ADGRL2: variants seen among roughly 807,000 people sequenced by gnomAD.
ADGRL2 encodes the protein calcium-independent alpha-latrotoxin receptor 2.
A neutral mutation model predicts 157.4 loss-of-function variants in ADGRL2; 44 were observed. The observed-to-expected ratio is 0.28, with a 90% confidence interval of 0.22 to 0.36. The LOEUF (loss-of-function observed/expected upper bound fraction) is 0.36, where lower values mean the gene tolerates loss of function less well. ADGRL2 is among the 10% of genes least tolerant of loss of function. ADGRL2 has a pLI of 1.00. For synonymous variants in ADGRL2, 585 were observed against 624.7 expected (o/e 0.94, Z 0.95); for missense variants, 1,510 against 1,768.9 (o/e 0.85, Z 2.63).
At chr1:81,440,499 G>C (rs868508014) in intron 1 of ADGRL2, among the ~76,000 whole-genome samples, 4 of 152,058 alleles carry the variant, frequency 2.6e-5, no homozygotes, top group Non-Finnish European at 5.9e-5. Flanking sequence ...AGACTCTCAG[G>C]CTTCCTTACC....
At chr1:81,771,825 T>C (rs540238432) in intron 2 of ADGRL2, among the ~76,000 whole-genome samples, 1 of 152,324 alleles carries the variant, frequency 6.6e-6, no homozygotes, top group Admixed American at 6.5e-5. Context: ...TGAGCAAGAA[T>C]TAGATGAAAA....
At chr1:81,592,472 A>T (rs1035301370) in intron 3 of ADGRL2, among the ~76,000 whole-genome samples, 1 of 152,178 alleles carries the variant, frequency 6.6e-6, no homozygotes, top group Non-Finnish European at 1.5e-5. Flanking sequence ...ACAATAATGC[A>T]TCTGCCACCA....
intron 2 of ADGRL2, among the ~76,000 whole-genome samples, chr1:81,776,357 T>G (rs371822295): frequency 6.6e-6 from 1 of 152,090 alleles, no homozygotes; most frequent in East Asian, 1.9e-4. Flanking sequence ...CCCAGCTAAT[T>G]TTTGTATTTT....
chr1:81,346,880 A>C (rs2100804409), intron 1 of ADGRL2, among the ~76,000 whole-genome samples: 1 of 152,248 alleles, frequency 6.6e-6, no homozygotes, highest in African/African-American at 2.4e-5. Flanking sequence ...CAAATACCTA[A>C]AAATGTGAAA....
At chr1:81,541,895 T>C (rs1184004086) in intron 2 of ADGRL2, among the ~76,000 whole-genome samples, 1 of 152,010 alleles carries the variant, frequency 6.6e-6, no homozygotes, top group African/African-American at 2.4e-5. Flanking sequence ...GAGGTGGAGT[T>C]TGCGGTGAGC....
At chr1:81,909,287 C>T (rs183867182) in intron 3 of ADGRL2, among the ~76,000 whole-genome samples, 3 of 152,100 alleles carry the variant, frequency 2.0e-5, no homozygotes, top group East Asian at 3.9e-4. Flanking sequence ...AACAGTCCTT[C>T]ATCATATATC....
intron 2 of ADGRL2, among the ~76,000 whole-genome samples, chr1:81,881,116 A>G (rs2093975355): frequency 6.6e-6 from 1 of 152,154 alleles, no homozygotes; most frequent in Admixed American, 6.5e-5. Context: ...ACTCAAAATG[A>G]TTGCTAGAAC....
At chr1:81,485,734 A>G (rs1026883275) in intron 2 of ADGRL2, among the ~76,000 whole-genome samples, 3 of 152,170 alleles carry the variant, frequency 2.0e-5, no homozygotes, top group Non-Finnish European at 2.9e-5. Context: ...CCCTGCTTAT[A>G]AGATAAGTAA....
intron 1 of ADGRL2, among the ~76,000 whole-genome samples, chr1:81,372,844 C>T (rs111538084): frequency 4.6e-5 from 7 of 152,294 alleles, no homozygotes; most frequent in South Asian, 2.1e-4. Flanking sequence ...TGCTTAATCA[C>T]TCCTCTGTTC....
chr1:81,467,473 C>T (rs529219648), intron 2 of ADGRL2, among the ~76,000 whole-genome samples: 5 of 152,292 alleles, frequency 3.3e-5, no homozygotes, highest in Admixed American at 6.5e-5. Context: ...GATTTTACAG[C>T]GCTCCAGTCA....
intron 1 of ADGRL2, among the ~76,000 whole-genome samples, chr1:81,368,694 C>T (rs4593872): frequency 0.51 from 77,274 of 151,982 alleles, 21,704 homozygotes; most frequent in East Asian, 0.72. Flanking sequence ...GTTCTTCACA[C>T]TTTACACTGC....
At chr1:81,734,982 C>T (rs2084849280) in intron 1 of ADGRL2, 9 of 140,678 alleles carry the variant, frequency 6.4e-5, no homozygotes, top group Admixed American at 4.9e-4. Flanking sequence ...TGCAATGAGC[C>T]GAGATCACAC....
intron 2 of ADGRL2, among the ~76,000 whole-genome samples, chr1:81,837,752 T>A (rs571307344): frequency 4.6e-5 from 7 of 152,006 alleles, no homozygotes; most frequent in Non-Finnish European, 1.0e-4. Context: ...CATCATTTAT[T>A]AACTATATAG....
chr1:81,739,953 T>C (rs2085020406), intron 1 of ADGRL2, among the ~76,000 whole-genome samples: 1 of 152,176 alleles, frequency 6.6e-6, no homozygotes, highest in Non-Finnish European at 1.5e-5. Context: ...TGTACATGCA[T>C]TTCTGAAGTC....
intron 2 of ADGRL2, among the ~76,000 whole-genome samples, chr1:81,461,031 C>T (rs1481522249): frequency 6.6e-6 from 1 of 152,176 alleles, no homozygotes; most frequent in African/African-American, 2.4e-5. Flanking sequence ...AGGCAGACCC[C>T]TCTGCTTGCC....
intron 1 of ADGRL2, among the ~76,000 whole-genome samples, chr1:81,318,844 CT>C (rs1660288461): frequency 6.7e-6 from 1 of 149,794 alleles, no homozygotes; most frequent in South Asian, 2.1e-4. Flanking sequence ...TCTTCAACTA[CT>C]TTAATCATCT....
chr1:81,881,656 T>G (rs1277364045), intron 2 of ADGRL2, among the ~76,000 whole-genome samples: 1 of 151,522 alleles, frequency 6.6e-6, no homozygotes, highest in Non-Finnish European at 1.5e-5. Context: ...CATAATGTAT[T>G]TTACAGCTCC....
At chr1:81,957,145 T>G (rs1322813291) in intron 11 of ADGRL2, among the ~76,000 whole-genome samples, 1 of 151,588 alleles carries the variant, frequency 6.6e-6, no homozygotes, top group Non-Finnish European at 1.5e-5. Context: ...AGTGGCATAT[T>G]ATGACCTCAA....
intron 2 of ADGRL2, among the ~76,000 whole-genome samples, chr1:81,519,968 C>A (rs2079273793): frequency 6.6e-6 from 1 of 152,146 alleles, no homozygotes; most frequent in Non-Finnish European, 1.5e-5. Context: ...AATAAATTTT[C>A]TTGGGCTTCT....
Sources: gnomAD v4.1 joint callset for allele counts (sites outside exome capture counted in the v4.1 genomes callset) on GRCh38, gnomAD v4.1.1 for gene constraint, MANE v1.5 for transcripts, NCBI Gene and HGNC (gene_info 2026-07-23, HGNC 2026-07-21) for gene names.